Variants in ZNF385D observed in about 807,000 individuals in gnomAD.
The protein encoded by ZNF385D is zinc finger protein 659.
Under a neutral mutation model 35.8 loss-of-function variants are expected in ZNF385D, and 15 were observed. The ratio of observed to expected loss-of-function variants is 0.42; its 90% confidence interval spans 0.28 to 0.64. The LOEUF (loss-of-function observed/expected upper bound fraction) is 0.64. ZNF385D is among the 30% of genes least tolerant of loss of function. ZNF385D has a pLI of 0.23. For missense variants in ZNF385D, 474 were observed against 494.6 expected (o/e 0.96, Z 0.39); for synonymous variants, 212 against 186.8 (o/e 1.13, Z -1.10).
In ZNF385D at chr3:21,639,840, A is replaced by C. The variant is rs2065550488; in HGVS notation, c.165+25046T>G. Among the ~76,000 whole-genome samples the C allele has an allele frequency of 2.0e-5, 3 of 152,010 alleles. No individual in the cohort carries two copies. In the South Asian group the frequency reaches 6.2e-4, roughly 31 times the overall value. On this transcript the variant is annotated intron_variant, in intron 2 of 7. Transcript: ENST00000281523. ...ATTTTTTATTTTAAAAATGTTCACCATGTGAGTCTGCTGAAGAGAAATTCC... is the reference window on the plus strand; with the variant it reads ...ATTTTTTATTTTAAAAATGTTCACCCTGTGAGTCTGCTGAAGAGAAATTCC...
intron 3 of ZNF385D, among the ~76,000 whole-genome samples, chr3:21,770,901 A>G (rs1484148481): frequency 6.6e-6 from 1 of 152,154 alleles, no homozygotes; most frequent in East Asian, 1.9e-4. Flanking sequence ...ATGGAATACA[A>G]TGCAGCCATA....
chr3:21,693,929 A>T (rs1055422607), intron 1 of ZNF385D, among the ~76,000 whole-genome samples: 5 of 137,658 alleles, frequency 3.6e-5, no homozygotes, highest in Non-Finnish European at 7.6e-5. Flanking sequence ...CCCAGGCTGG[A>T]GTGCAGTTGC....
At chr3:21,498,021 C>G (rs1706048594) in intron 4 of ZNF385D, among the ~76,000 whole-genome samples, 1 of 152,006 alleles carries the variant, frequency 6.6e-6, no homozygotes, top group Admixed American at 6.6e-5. Context: ...AAAACAGGCA[C>G]ATAAACCAAT....
At chr3:21,952,493 T>G (rs754787133) in intron 3 of ZNF385D, among the ~76,000 whole-genome samples, 1 of 152,104 alleles carries the variant, frequency 6.6e-6, no homozygotes, top group Non-Finnish European at 1.5e-5. Flanking sequence ...TGGACTATAC[T>G]TTTAAGGTCA....
chr3:22,003,900 T>A (rs559447210), intron 3 of ZNF385D, among the ~76,000 whole-genome samples: 2 of 151,288 alleles, frequency 1.3e-5, no homozygotes, highest in East Asian at 3.9e-4. Flanking sequence ...AAAAAAATCC[T>A]AAAATTCAAA....
intron 4 of ZNF385D, among the ~76,000 whole-genome samples, chr3:21,484,314 G>A (rs1436720963): frequency 1.3e-5 from 2 of 152,116 alleles, no homozygotes; most frequent in Non-Finnish European, 2.9e-5. Context: ...TGTCTCACTA[G>A]AGGCACAATG....
At chr3:21,837,502 T>A (rs1194171515) in intron 3 of ZNF385D, among the ~76,000 whole-genome samples, 1 of 152,012 alleles carries the variant, frequency 6.6e-6, no homozygotes, top group East Asian at 1.9e-4. Context: ...TGAGTACAGG[T>A]GCATGGCTTT....
chr3:21,988,319 G>A (rs1465415894), intron 3 of ZNF385D, among the ~76,000 whole-genome samples: 1 of 117,194 alleles, frequency 8.5e-6, no homozygotes, highest in Non-Finnish European at 1.9e-5. Context: ...TTTGGTCTTT[G>A]ATGATGGTGA....
intron 3 of ZNF385D, among the ~76,000 whole-genome samples, chr3:21,912,107 C>T (rs1699990466): frequency 6.6e-6 from 1 of 151,874 alleles, no homozygotes; most frequent in African/African-American, 2.4e-5. Flanking sequence ...AGGCTCACTT[C>T]AAAATTCTTA....
intron 3 of ZNF385D, among the ~76,000 whole-genome samples, chr3:22,108,778 T>A (rs955477486): frequency 1.3e-5 from 2 of 152,114 alleles, no homozygotes; most frequent in African/African-American, 4.8e-5. Context: ...TCTGGGAGGC[T>A]GAGATGGGTG....
upstream of ZNF385D, among the ~76,000 whole-genome samples, chr3:21,755,318 C>T (rs551484059): frequency 5.6e-4 from 85 of 152,294 alleles, 1 homozygote; most frequent in African/African-American, 2.0e-3. Context: ...CATGCCACTC[C>T]TTTGCTCAGT....
At chr3:21,732,933 G>A (rs544453672) in intron 1 of ZNF385D, among the ~76,000 whole-genome samples, 16 of 152,252 alleles carry the variant, frequency 1.1e-4, no homozygotes, top group Non-Finnish European at 1.5e-4. Context: ...CGTGGATCAT[G>A]GCTTGGCATT....
At chr3:21,502,247 C>T (rs1209742770) in intron 4 of ZNF385D, among the ~76,000 whole-genome samples, 1 of 152,214 alleles carries the variant, frequency 6.6e-6, no homozygotes, top group African/African-American at 2.4e-5. Flanking sequence ...GTCAGCATCA[C>T]ACCGGGACAG....
chr3:21,871,550 A>G (rs1697690825), intron 3 of ZNF385D, among the ~76,000 whole-genome samples: 1 of 152,164 alleles, frequency 6.6e-6, no homozygotes, highest in Admixed American at 6.5e-5. Context: ...TAACTGTTGA[A>G]CAAATCAATG....
At chr3:21,622,575 G>A (rs1217736802) in intron 2 of ZNF385D, among the ~76,000 whole-genome samples, 1 of 152,100 alleles carries the variant, frequency 6.6e-6, no homozygotes, top group African/African-American at 2.4e-5. Context: ...TCCTCCTAAG[G>A]AGGTTCTGAG....
chr3:21,645,659 C>T (rs1384799245), intron 2 of ZNF385D, among the ~76,000 whole-genome samples: 9 of 152,132 alleles, frequency 5.9e-5, no homozygotes, highest in Admixed American at 5.2e-4. Context: ...CCTGCAGTCT[C>T]CACCTACTTC....
intron 3 of ZNF385D, among the ~76,000 whole-genome samples, chr3:22,073,220 A>C (rs1442106108): frequency 6.6e-6 from 1 of 151,978 alleles, no homozygotes; most frequent in Non-Finnish European, 1.5e-5. Context: ...ATTAATTAAA[A>C]TCATCATTTG....
At chr3:22,140,161 C>T (rs1422696930) in intron 3 of ZNF385D, among the ~76,000 whole-genome samples, 2 of 152,168 alleles carry the variant, frequency 1.3e-5, no homozygotes, top group African/African-American at 4.8e-5. Flanking sequence ...TTTATAGGAG[C>T]TTTGTAATAT....
At chr3:22,231,063 C>G (rs997685239) in intron 2 of ZNF385D, among the ~76,000 whole-genome samples, 8 of 152,222 alleles carry the variant, frequency 5.3e-5, no homozygotes, top group Middle Eastern at 6.8e-3. Flanking sequence ...AGCAACAGGA[C>G]CTCAAAACTG....
Sources: allele counts gnomAD v4.1 joint callset (sites outside exome capture counted in the v4.1 genomes callset), GRCh38; gene constraint gnomAD v4.1.1; transcripts MANE v1.5; gene names NCBI Gene and HGNC (gene_info 2026-07-23, HGNC 2026-07-21).